Variants in DLGAP1 observed in about 807,000 individuals in gnomAD.
The protein encoded by DLGAP1 is DLG associated protein 1.
A neutral mutation model predicts 90.8 loss-of-function variants in DLGAP1; 11 were observed. The ratio of observed to expected loss-of-function variants is 0.12; its 90% CI spans 0.08 to 0.20. DLGAP1 has a LOEUF of 0.20. Among genes scored for constraint, DLGAP1 ranks in the 10% least tolerant of loss-of-function variants. DLGAP1 has a pLI of 1.00. For synonymous variants in DLGAP1, 558 were observed against 540.7 expected (o/e 1.03, Z -0.44); for missense variants, 1,050 against 1,333.8 (o/e 0.79, Z 3.31).
chr18:3,765,331 C>T (rs1426032390), intron 5 of DLGAP1, among the ~76,000 whole-genome samples: 10 of 150,080 alleles, frequency 6.7e-5, no homozygotes, highest in Admixed American at 1.3e-4. Flanking sequence ...GGGGTTTCAC[C>T]ATGTTAGCCA....
chr18:4,281,783 G>T (rs1017118632), intron 1 of DLGAP1, among the ~76,000 whole-genome samples: 2 of 151,954 alleles, frequency 1.3e-5, no homozygotes, highest in African/African-American at 4.8e-5. Context: ...GTCACTTATA[G>T]ACACACACAT....
chr18:4,267,486 TAACA>T (rs2079156502), intron 1 of DLGAP1, among the ~76,000 whole-genome samples: 2 of 152,236 alleles, frequency 1.3e-5, no homozygotes, highest in African/African-American at 2.4e-5. Flanking sequence ...CCATTTGTTT[TAACA>T]AACACAAGAA....
intron 8 of DLGAP1, chr18:3,580,211 G>A: frequency 6.3e-7 from 1 of 1,578,226 alleles, no homozygotes; most frequent in Non-Finnish European, 8.7e-7. Flanking sequence ...CAAACCTCCG[G>A]GTGGACATTC....
chr18:3,540,469 CAAAA>C (rs60740209), intron 9 of DLGAP1, among the ~76,000 whole-genome samples: 7 of 58,012 alleles, frequency 1.2e-4, no homozygotes, highest in Admixed American at 4.8e-4. Context: ...GGCCCTGTGT[CAAAA>C]AAAAAAAAAA....
At chr18:4,368,780 T>TC in intron 1 of DLGAP1, among the ~76,000 whole-genome samples, 1 of 14,484 alleles carries the variant, frequency 6.9e-5, no homozygotes, top group Non-Finnish European at 2.2e-4. Flanking sequence ...AGGTTTTAAA[T>TC]AAAGTATTAA....
intron 2 of DLGAP1, among the ~76,000 whole-genome samples, chr18:4,145,015 C>T (rs1298403811): frequency 6.6e-6 from 1 of 152,172 alleles, no homozygotes; most frequent in Non-Finnish European, 1.5e-5. Context: ...ACGTTTCTTT[C>T]AGAGAGTACT....
chr18:3,741,171 C>A (rs1161476731), intron 6 of DLGAP1, among the ~76,000 whole-genome samples: 2 of 66,324 alleles, frequency 3.0e-5, no homozygotes, highest in Admixed American at 2.9e-4. Flanking sequence ...ATCACCACCA[C>A]ATCACCACCA....
Position 4,357,090 on chromosome 18 carries a change from C to CGT in DLGAP1, c.-267+97914_-267+97915dup, listed in dbSNP as rs5822808. ...CTCTCTCTCTGTGTATATACGTGTGCGTGTGTGTGTGTGTGTGTGTGTACG... is the reference window on the plus strand; with the variant it reads ...CTCTCTCTCTGTGTATATACGTGTGCGTGTGTGTGTGTGTGTGTGTGTGTACG... On this transcript the variant is annotated intron_variant, in intron 1 of 12. Coordinates refer to ENST00000315677, the MANE Select transcript of DLGAP1 (RefSeq NM_004746.4). Among the ~76,000 whole-genome samples the CGT allele has an allele frequency of 2.0e-3, 293 of 144,132 alleles. 2 individuals carry two copies. Among genetic ancestry groups the CGT allele is most frequent in the African/African-American group, 6.1e-3 (237 of 38,616 alleles). The allele number at this position is 144,132 out of a possible 152,430, so 94.6% of individuals were successfully genotyped here. A position where few individuals can be genotyped will look rare whatever the true frequency, so the allele number is the denominator to read the frequency against.
intron 7 of DLGAP1, among the ~76,000 whole-genome samples, chr18:3,590,971 C>T (rs1210425941): frequency 6.6e-6 from 1 of 151,624 alleles, no homozygotes; most frequent in Non-Finnish European, 1.5e-5. Flanking sequence ...CAAAACAAAA[C>T]AAAACAAAAA....
At chr18:4,418,758 G>C (rs2082962023) in intron 1 of DLGAP1, among the ~76,000 whole-genome samples, 1 of 151,952 alleles carries the variant, frequency 6.6e-6, no homozygotes, top group Non-Finnish European at 1.5e-5. Context: ...TAGAATAACA[G>C]AAAGAGAAGA....
At chr18:4,257,322 T>G (rs975084899) in intron 1 of DLGAP1, among the ~76,000 whole-genome samples, 1 of 152,164 alleles carries the variant, frequency 6.6e-6, no homozygotes, top group African/African-American at 2.4e-5. Context: ...TGAAGTCTTA[T>G]AGTTCAGAAG....
At chr18:4,395,933 A>G (rs2082430222) in intron 1 of DLGAP1, among the ~76,000 whole-genome samples, 1 of 152,142 alleles carries the variant, frequency 6.6e-6, no homozygotes, top group Admixed American at 6.5e-5. Flanking sequence ...AGACCATGGG[A>G]AAAGTGACAG....
At chr18:3,547,105 T>A (rs1236422) in intron 9 of DLGAP1, among the ~76,000 whole-genome samples, 1 of 151,644 alleles carries the variant, frequency 6.6e-6, no homozygotes, top group Non-Finnish European at 1.5e-5. Flanking sequence ...ATCGAGACCA[T>A]CCTGGCTAAC....
intron 1 of DLGAP1, among the ~76,000 whole-genome samples, chr18:4,440,192 G>A (rs560018111): frequency 6.7e-6 from 1 of 149,400 alleles, no homozygotes; most frequent in East Asian, 2.0e-4. Flanking sequence ...AATCATTTAT[G>A]TCAAGAGGAC....
At chr18:3,936,089 G>A (rs2072630969) in intron 3 of DLGAP1, among the ~76,000 whole-genome samples, 1 of 152,124 alleles carries the variant, frequency 6.6e-6, no homozygotes, top group South Asian at 2.1e-4. Context: ...GTCTTAACCT[G>A]TGACAGGGGT....
At chr18:3,956,412 T>C (rs1000768435) in intron 3 of DLGAP1, among the ~76,000 whole-genome samples, 2 of 151,426 alleles carry the variant, frequency 1.3e-5, no homozygotes, top group Non-Finnish European at 2.9e-5. Flanking sequence ...TGCAGTGGCG[T>C]GATCTGGCTC....
At chr18:4,064,434 A>AATAG (rs60184459) in intron 2 of DLGAP1, among the ~76,000 whole-genome samples, 65,301 of 151,150 alleles carry the variant, frequency 0.43, 15,045 homozygotes, top group African/African-American at 0.6. Flanking sequence ...AAATTAATAC[A>AATAG]ATAGACTGCT....
intron 8 of DLGAP1, among the ~76,000 whole-genome samples, chr18:3,576,959 T>C (rs1213914104): frequency 1.3e-5 from 2 of 151,582 alleles, no homozygotes; most frequent in African/African-American, 4.9e-5. Context: ...GTCTCCCAGG[T>C]TCAAGTGATT....
intron 2 of DLGAP1, among the ~76,000 whole-genome samples, chr18:4,147,336 T>G (rs529237131): frequency 1.6e-4 from 24 of 152,340 alleles, no homozygotes; most frequent in African/African-American, 5.8e-4. Context: ...TGAGAGACCC[T>G]GTTTATTAAA....
Sources: gnomAD v4.1 joint callset for allele counts (sites outside exome capture counted in the v4.1 genomes callset) on GRCh38, gnomAD v4.1.1 for gene constraint, MANE v1.5 for transcripts, NCBI Gene and HGNC (gene_info 2026-07-23, HGNC 2026-07-21) for gene names.